CCL26: variants seen among roughly 807,000 people sequenced by gnomAD.
The protein encoded by CCL26 is C-C motif chemokine 26.
In CCL26, 10 loss-of-function variants were observed where a neutral mutation model predicts 10.7. The ratio of observed to expected loss-of-function variants is 0.93; its 90% CI spans 0.57 to 1.58. CCL26 has a LOEUF of 1.58. CCL26 is among the 40% of genes most tolerant of loss of function. The pLI is 0.00. For synonymous variants in CCL26, 43 were observed against 41.4 expected, an observed-to-expected ratio of 1.04 and a Z score of -0.15; for missense variants, 116 against 111.0, an observed-to-expected ratio of 1.05 and a Z score of -0.20.
chr7:75,785,439 G>T (rs1803162994), intron 1 of CCL26, among the ~76,000 whole-genome samples: 1 of 152,012 alleles, frequency 6.6e-6, no homozygotes, highest in Non-Finnish European at 1.5e-5. Flanking sequence ...ACACTCTCCT[G>T]CTCCTTCAAC....
upstream of CCL26, among the ~76,000 whole-genome samples, chr7:75,772,879 C>G (rs1417581346): frequency 6.6e-6 from 1 of 152,154 alleles, no homozygotes; most frequent in Non-Finnish European, 1.5e-5. Flanking sequence ...TTCCAGTGAA[C>G]TGAACTAAGT....
chr7:75,770,432 A>G (rs1472196569), intron 2 of CCL26, among the ~76,000 whole-genome samples: 2 of 150,930 alleles, frequency 1.3e-5, no homozygotes, highest in Admixed American at 6.7e-5. Flanking sequence ...CCCAGGCTGG[A>G]GTGCAATGGC....
rs375441093 is a variant in CCL26 at position 75,778,318 on chromosome 7, C to T, written c.-78-6064G>A. On this transcript the variant is annotated intron_variant, in intron 1 of 3. Coordinates refer to the CCL26 transcript ENST00000394905. ...CTCACTGCAGCCTTGACCTCCTGGG[C>T]TCAAGCGATCCTCCCACCTCAGCTT... 8.2e-3 allele frequency among the ~76,000 whole-genome samples: 1,246 copies of T among 152,024 alleles called. 17 individuals carry two copies. The highest frequency in any genetic ancestry group is 0.028 in the African/African-American group (1,169 of 41,462).
chr7:75,771,948 G>A lies in CCL26; in HGVS notation c.129C>T (p.Pro43=). The change falls in exon 2 of 3, where the codon CCC becomes CCT. Residue 43 remains proline (P), a synonymous_variant. Transcript: ENST00000005180. ...CCFQYSHKPL[P]WTWVRSYEFT... ...ATTCATAGCTTCGCACCCAGGTCCA[G>A]GGAAGGGGCTTGTGGCTGTATTGGA... The A allele has an allele frequency of 1.2e-6, 2 of 1,614,172 alleles. No homozygotes were observed. The highest frequency in any genetic ancestry group is 2.2e-5 in the East Asian group (1 of 44,884).
chr7:75,781,319 T>C (rs1158001270), intron 1 of CCL26, among the ~76,000 whole-genome samples: 6 of 152,236 alleles, frequency 3.9e-5, no homozygotes, highest in Non-Finnish European at 8.8e-5. Context: ...TTGCCTCCAC[T>C]GTGAGACAAA....
intron 2 of CCL26, among the ~76,000 whole-genome samples, chr7:75,771,233 G>A (rs1435865217): frequency 6.6e-6 from 1 of 152,010 alleles, no homozygotes; most frequent in Admixed American, 6.6e-5. Context: ...CAATTTAAAG[G>A]CTATAATTAT....
At chr7:75,782,997 C>T (rs1214486409) in intron 1 of CCL26, among the ~76,000 whole-genome samples, 3 of 152,146 alleles carry the variant, frequency 2.0e-5, no homozygotes, top group African/African-American at 7.2e-5. Context: ...ACCCTATCAT[C>T]CTTCTATCAC....
upstream of CCL26, among the ~76,000 whole-genome samples, chr7:75,773,354 G>A (rs1425490558): frequency 6.6e-6 from 1 of 151,814 alleles, no homozygotes; most frequent in Non-Finnish European, 1.5e-5. Context: ...AATGCAGGAG[G>A]CAGAGGTTAC....
chr7:75,790,663 G>C (rs1057142187), upstream of CCL26, among the ~76,000 whole-genome samples: 3 of 152,106 alleles, frequency 2.0e-5, no homozygotes, highest in South Asian at 2.1e-4. Flanking sequence ...AACATTTGAG[G>C]CTGGACATGG....
intron 1 of CCL26, among the ~76,000 whole-genome samples, chr7:75,786,643 G>A (rs554994417): frequency 1.3e-5 from 2 of 152,276 alleles, no homozygotes; most frequent in Admixed American, 1.3e-4. Flanking sequence ...GTAGCTCAGG[G>A]CAACGCTTAT....
At chr7:75,781,977 G>T (rs1188207588) in intron 1 of CCL26, among the ~76,000 whole-genome samples, 1 of 152,110 alleles carries the variant, frequency 6.6e-6, no homozygotes, top group African/African-American at 2.4e-5. Flanking sequence ...TCCTTCGGGA[G>T]ACCAGTCCCC....
At chr7:75,774,802 C>A (rs1446053470), upstream of CCL26, among the ~76,000 whole-genome samples, 2 of 151,958 alleles carry the variant, frequency 1.3e-5, no homozygotes, top group East Asian at 3.9e-4. Flanking sequence ...CACCTGTAGG[C>A]CCAGCTACTC....
At chr7:75,774,595 ACCACCATGCCCG>A (rs1802894316), upstream of CCL26, among the ~76,000 whole-genome samples, 1 of 151,728 alleles carries the variant, frequency 6.6e-6, no homozygotes, top group African/African-American at 2.4e-5. Context: ...ACAGGCATGC[ACCACCATGCCCG>A]GGTAATTTTT....
In CCL26 at chr7:75,772,133, A is replaced by T. The variant is rs1563335051; in HGVS notation, c.44T>A (p.Leu15His). The change falls in exon 1 of 3, where the codon CTC becomes CAC. Residue 15 changes from leucine to histidine, a missense_variant. Coordinates refer to ENST00000005180, the MANE Select transcript of CCL26 (RefSeq NM_001371938.1). ...GGCAGTTCCAAGGTGGAGACTCAGGAGGGAGGCCAGGAGCACAGCAGAGGC... is the reference window on the plus strand; with the variant it reads ...GGCAGTTCCAAGGTGGAGACTCAGGTGGGAGGCCAGGAGCACAGCAGAGGC... ...SLASAVLLAS[L>H]LSLHLGTATR... The T allele has an allele frequency of 4.5e-6, 7 of 1,560,748 alleles. No individual in the cohort carries two copies. The highest frequency in any genetic ancestry group is 6.1e-6 in the Non-Finnish European group (7 of 1,152,072).
upstream of CCL26, among the ~76,000 whole-genome samples, chr7:75,790,515 TCA>T (rs1803309964): frequency 6.6e-6 from 1 of 152,062 alleles, no homozygotes; most frequent in East Asian, 1.9e-4. Context: ...TCCTCCCACC[TCA>T]GCCTCCCAAA....
upstream of CCL26, among the ~76,000 whole-genome samples, chr7:75,790,682 A>C (rs1803312050): frequency 1.3e-5 from 2 of 152,100 alleles, no homozygotes; most frequent in African/African-American, 4.8e-5. Context: ...GGTGGCTCAC[A>C]CCAGTAATCC....
At chr7:75,770,530 C>G (rs1802799405) in intron 2 of CCL26, among the ~76,000 whole-genome samples, 2 of 151,640 alleles carry the variant, frequency 1.3e-5, no homozygotes, top group South Asian at 4.2e-4. Context: ...TACAGGCATG[C>G]GCCACCACGT....
chr7:75,789,912 T>C (rs1324002700), upstream of CCL26: 1 of 152,100 alleles, frequency 6.6e-6, no homozygotes, highest in African/African-American at 2.4e-5. Flanking sequence ...GACAATGAAT[T>C]CTTGGGGTAT....
At chr7:75,784,307 C>G (rs1173257071) in intron 1 of CCL26, among the ~76,000 whole-genome samples, 1 of 152,216 alleles carries the variant, frequency 6.6e-6, no homozygotes, top group Non-Finnish European at 1.5e-5. Context: ...GAATGTCCAA[C>G]TCGCCCAGCA....
Sources: allele counts gnomAD v4.1 joint callset (sites outside exome capture counted in the v4.1 genomes callset), GRCh38; gene constraint gnomAD v4.1.1; transcripts MANE v1.5; gene names NCBI Gene and HGNC (gene_info 2026-07-23, HGNC 2026-07-21).